Variants in DYRK1A observed in about 807,000 individuals in gnomAD.
DYRK1A encodes the protein dual specificity tyrosine phosphorylation regulated kinase 1A.
Under a neutral mutation model 79.7 loss-of-function variants are expected in DYRK1A, and 9 were observed. The observed-to-expected ratio is 0.11, with a 90% CI of 0.07 to 0.20. The LOEUF (loss-of-function observed/expected upper bound fraction) is 0.20. DYRK1A is among the 10% of genes least tolerant of loss of function. DYRK1A has a pLI of 1.00. For missense variants in DYRK1A, 622 were observed against 956.0 expected (o/e 0.65, Z 4.61); for synonymous variants, 349 against 329.7 (o/e 1.06, Z -0.63).
intron 1 of DYRK1A, among the ~76,000 whole-genome samples, chr21:37,417,982 A>G (rs1168331929): frequency 6.6e-6 from 1 of 152,038 alleles, no homozygotes; most frequent in Non-Finnish European, 1.5e-5. Flanking sequence ...TATACTCTAT[A>G]TTTTTCTCAA....
At position 37,512,012 on chromosome 21, in the gene DYRK1A, A is replaced by G; in HGVS notation, c.1746A>G (p.Val582=). The G allele has an allele frequency of 6.2e-7, 1 of 1,614,176 alleles. No individual in the cohort carries two copies. Among genetic ancestry groups the G allele is most frequent in the Non-Finnish European group, 8.5e-7 (1 of 1,180,028 alleles). The part of the protein sequence containing the change: ...THPVQETTFH[V]APQQNALHHH... ...CTGTTCAAGAAACAACCTTTCATGT[A>G]GCCCCTCAACAGAATGCATTGCATC... The change falls in exon 12 of 12, where the codon GTA becomes GTG. Residue 582 remains valine (V), a synonymous_variant. Transcript: ENST00000647188.
rs2053026727 is a variant in DYRK1A, at chr21:37,490,052, C to T, written c.638-123C>T. On this transcript the variant is annotated intron_variant, in intron 6 of 11. Coordinates refer to ENST00000647188, the MANE Select transcript of DYRK1A (RefSeq NM_001347721.2). ...TGCTGTTATTACAAAATGCTGATCTCCAAACTTTAACTGAACTCTGCATTT... is the reference window on the plus strand; with the variant it reads ...TGCTGTTATTACAAAATGCTGATCTTCAAACTTTAACTGAACTCTGCATTT... 8.7e-6 allele frequency: 9 copies of T among 1,033,748 alleles called. No individual in the cohort carries two copies. In the South Asian group the frequency reaches 1.5e-4, roughly 18 times the overall value. 64.0% of individuals were successfully genotyped at this position (1,033,748 alleles called of 1,614,324 possible).
intron 9 of DYRK1A, chr21:37,501,179 T>G (rs1213095910): frequency 1.4e-5 from 2 of 141,794 alleles, no homozygotes; most frequent in Admixed American, 6.8e-5. Flanking sequence ...TTTTTTTTTT[T>G]TTTTTTTTTT....
chr21:37,451,613 AGTAGGCTCCACCGTCTAGCGTGG>A, intron 2 of DYRK1A, among the ~76,000 whole-genome samples: 1 of 151,688 alleles, frequency 6.6e-6, no homozygotes, highest in Non-Finnish European at 1.5e-5. Flanking sequence ...GTGGGCGTGC[AGTAGGCTCCACCGTCTAGCGTGG>A]GCGTGCAGTA....
chr21:37,383,326 A>G (rs1305383884), intron 1 of DYRK1A, among the ~76,000 whole-genome samples: 2 of 152,234 alleles, frequency 1.3e-5, no homozygotes, highest in Non-Finnish European at 2.9e-5. Context: ...TCACTGGACC[A>G]TATCTGTGGT....
At chr21:37,370,157 A>G (rs1019330794) in intron 1 of DYRK1A, among the ~76,000 whole-genome samples, 1 of 152,228 alleles carries the variant, frequency 6.6e-6, no homozygotes, top group African/African-American at 2.4e-5. Flanking sequence ...TTAGAGGGCT[A>G]TGACTATCTG....
chr21:37,417,529 C>CTTTTTTTTTTTTTTTT (rs3216074), intron 1 of DYRK1A, among the ~76,000 whole-genome samples: 3 of 44,066 alleles, frequency 6.8e-5, no homozygotes, highest in African/African-American at 3.1e-4. Context: ...TTTTCTTTTT[C>CTTTTTTTTTTTTTTTT]TTTTTTTTTT....
At position 37,525,761 on chromosome 21, in the gene DYRK1A, T is replaced by A. The variant is rs1179323527; in HGVS notation, c.*13230T>A. The A allele has an allele frequency of 2.0e-5, 3 of 152,218 alleles. No homozygotes were observed. Among genetic ancestry groups the A allele is most frequent in the Non-Finnish European group, 2.9e-5 (2 of 68,032 alleles). The allele number at this position is 152,218 out of a possible 1,614,324, so 9.4% of individuals were successfully genotyped here. On this transcript the variant is annotated 3_prime_UTR_variant, in exon 12 of 12. Transcript: ENST00000647188. ...TTCACTATCAACAGCTCTCATGAAT[T>A]TTTGTCAGAAATATTAGCTGAATAT...
chr21:37,382,337 G>A (rs990652958), intron 1 of DYRK1A, among the ~76,000 whole-genome samples: 2 of 151,980 alleles, frequency 1.3e-5, no homozygotes, highest in Non-Finnish European at 2.9e-5. Flanking sequence ...GCCTCATGAA[G>A]CGTAAGCCAC....
chr21:37,460,361 G>A (rs2051799733), intron 2 of DYRK1A, among the ~76,000 whole-genome samples: 1 of 152,138 alleles, frequency 6.6e-6, no homozygotes, highest in Non-Finnish European at 1.5e-5. Flanking sequence ...TTTAAGCCAT[G>A]GGGAGGCAGT....
intron 2 of DYRK1A, among the ~76,000 whole-genome samples, chr21:37,430,821 T>A (rs548138730): frequency 2.3e-4 from 35 of 152,312 alleles, no homozygotes; most frequent in African/African-American, 7.9e-4. Context: ...TTTGAGCGGC[T>A]GGGACTCAGT....
intron 4 of DYRK1A, among the ~76,000 whole-genome samples, chr21:37,479,646 G>C (rs2052564250): frequency 2.0e-5 from 1 of 50,970 alleles, no homozygotes; most frequent in Non-Finnish European, 3.7e-5. Context: ...TGGAGACAGA[G>C]TCTCACTTTG....
At chr21:37,420,442 G>A in intron 2 of DYRK1A, 58 bp downstream of exon 2, 3 of 1,580,834 alleles carry the variant, frequency 1.9e-6, no homozygotes, top group Middle Eastern at 1.7e-4. Context: ...GGAATCGATG[G>A]TCTATTTTGA....
At chr21:37,370,492 T>C (rs1829193296) in intron 1 of DYRK1A, among the ~76,000 whole-genome samples, 1 of 152,216 alleles carries the variant, frequency 6.6e-6, no homozygotes, top group Admixed American at 6.5e-5. Flanking sequence ...CTTGTGACTT[T>C]CTTGGTATTT....
At chr21:37,409,322 T>G (rs1232778001) in intron 1 of DYRK1A, among the ~76,000 whole-genome samples, 2 of 152,126 alleles carry the variant, frequency 1.3e-5, no homozygotes, top group Admixed American at 6.5e-5. Context: ...GTGCAATAAG[T>G]GATGGAGCCA....
rs1461656228 is a variant in DYRK1A, at chr21:37,517,477, G to A, written c.*4946G>A. On this transcript the variant is annotated 3_prime_UTR_variant, in exon 12 of 12. Coordinates refer to ENST00000647188, the MANE Select transcript of DYRK1A (RefSeq NM_001347721.2). ...TTTGGGAATTTTTTTCTTTATTCTTGTAAAGTTTTGCTTCCATTATATACT... is the reference window on the plus strand; with the variant it reads ...TTTGGGAATTTTTTTCTTTATTCTTATAAAGTTTTGCTTCCATTATATACT... The A allele has an allele frequency of 6.6e-6, 1 of 152,098 alleles. No homozygotes were observed. The highest frequency in any genetic ancestry group is 1.5e-5 in the Non-Finnish European group (1 of 68,022). 9.4% of individuals were successfully genotyped at this position (152,098 alleles called of 1,614,324 possible).
chr21:37,402,189 T>G (rs1448155042), intron 1 of DYRK1A, among the ~76,000 whole-genome samples: 1 of 152,228 alleles, frequency 6.6e-6, no homozygotes, highest in African/African-American at 2.4e-5. Flanking sequence ...TTTTTAAATA[T>G]AAGTATCCAA....
chr21:37,416,452 C>T (rs1471667825), intron 1 of DYRK1A, among the ~76,000 whole-genome samples: 1 of 150,132 alleles, frequency 6.7e-6, no homozygotes, highest in African/African-American at 2.4e-5. Flanking sequence ...GCTGCTTGAT[C>T]ATCTTATTGG....
intron 2 of DYRK1A, among the ~76,000 whole-genome samples, chr21:37,425,163 G>A (rs1363961945): frequency 6.6e-6 from 1 of 152,136 alleles, no homozygotes. Flanking sequence ...CAGCTAGTCC[G>A]ATAGTTCCTG....
Sources: allele counts gnomAD v4.1 joint callset (sites outside exome capture counted in the v4.1 genomes callset), GRCh38; gene constraint gnomAD v4.1.1; transcripts MANE v1.5; gene names NCBI Gene and HGNC (gene_info 2026-07-23, HGNC 2026-07-21).